MIER2: variants seen among roughly 807,000 people sequenced by gnomAD.
MIER2 encodes mesoderm induction early response protein 2.
A neutral mutation model predicts 67.6 loss-of-function variants in MIER2; 30 were observed. The ratio of observed to expected loss-of-function variants is 0.44; its 90% CI spans 0.33 to 0.60. The LOEUF (loss-of-function observed/expected upper bound fraction) is 0.60. Among genes scored for constraint, MIER2 ranks in the 20% least tolerant of loss-of-function variants. The probability of loss-of-function intolerance (pLI) is 0.02; values close to 1 mark genes in which losing one functional copy is unlikely to be tolerated. For missense variants in MIER2, 702 were observed against 745.1 expected (o/e 0.94, Z 0.67); for synonymous variants, 372 against 312.6 (o/e 1.19, Z -2.00).
At position 306,394 on chromosome 19, in the gene MIER2, G is replaced by A. The variant is rs1218934281; in HGVS notation, c.*296C>T. ...CGGCTCTGCCCTGCGTCCCAACGGCGGGGTCTCTTCTGTCCCCGGCTGCCC... is the reference window on the plus strand; with the variant it reads ...CGGCTCTGCCCTGCGTCCCAACGGCAGGGTCTCTTCTGTCCCCGGCTGCCC... On this transcript the variant is annotated 3_prime_UTR_variant, in exon 14 of 14. Transcript: ENST00000264819. 2.9e-5 allele frequency: 16 copies of A among 550,112 alleles called. No homozygotes were observed. Among genetic ancestry groups the A allele is most frequent in the East Asian group, 3.0e-5 (1 of 33,244 alleles). 34.1% of individuals were successfully genotyped at this position (550,112 alleles called of 1,614,324 possible).
At chr19:343,698 C>G (rs1230965244) in intron 1 of MIER2, 2 of 422,476 alleles carry the variant, frequency 4.7e-6, no homozygotes, top group South Asian at 2.0e-4. Flanking sequence ...GGCTCTATCC[C>G]AGAGATAGGA....
chr19:313,830 A>G (rs1230056402), intron 7 of MIER2, among the ~76,000 whole-genome samples, 187 bp from the exon 8 acceptor site: 1 of 151,862 alleles, frequency 6.6e-6, no homozygotes, highest in African/African-American at 2.4e-5. Context: ...CAATTCAACT[A>G]CCGAGTGGGT....
chr19:342,035 T>C (rs1972530099), intron 1 of MIER2, among the ~76,000 whole-genome samples: 1 of 152,134 alleles, frequency 6.6e-6, no homozygotes, highest in African/African-American at 2.4e-5. Context: ...CCAAGATGGC[T>C]GCACCTACCT....
rs773897550 is a variant in MIER2, at chr19:307,264, C to T, written c.1471G>A (p.Gly491Arg). The change falls in exon 13 of 14, where the codon GGG (glycine) becomes AGG (arginine). Residue 491 changes from glycine (G) to arginine (R), a missense_variant. Gly to Arg is a moderately radical substitution (Grantham distance 125). Transcript: ENST00000264819. ...GGGGCCACAGTCTCCTCCGGATCCCCGCTGAGGTCCACATGGCTGGAGATG... is the reference window on the plus strand; with the variant it reads ...GGGGCCACAGTCTCCTCCGGATCCCTGCTGAGGTCCACATGGCTGGAGATG... ...PLISSHVDLSGDPEETVAPAQ... is the reference protein window; with the variant it reads ...PLISSHVDLSRDPEETVAPAQ... The T allele has an allele frequency of 1.1e-5, 18 of 1,596,952 alleles. 1 individual carries two copies. In the Admixed American group the frequency reaches 1.6e-4, roughly 14 times the overall value.
chr19:343,719 A>C (rs1972607444), intron 1 of MIER2: 1 of 526,838 alleles, frequency 1.9e-6, no homozygotes, highest in East Asian at 1.5e-4. Flanking sequence ...TCAGCTCTTG[A>C]GTCTGCCCGC....
intron 1 of MIER2, among the ~76,000 whole-genome samples, chr19:340,218 T>G (rs770685175): frequency 2.4e-4 from 37 of 152,116 alleles, no homozygotes; most frequent in Non-Finnish European, 4.3e-4. Context: ...GCCAGCGGCT[T>G]GCAAACACCT....
intron 7 of MIER2, among the ~76,000 whole-genome samples, chr19:315,344 G>A (rs977474969): frequency 1.3e-5 from 2 of 152,362 alleles, no homozygotes; most frequent in South Asian, 2.1e-4. Flanking sequence ...CAGCCTGGGC[G>A]AGAAGAGCGA....
intron 10 of MIER2, among the ~76,000 whole-genome samples, chr19:310,002 ACACACG>A (rs1970876650): frequency 1.4e-5 from 2 of 147,274 alleles, no homozygotes; most frequent in Non-Finnish European, 3.0e-5. Flanking sequence ...GGACACACAC[ACACACG>A]CACACAAGGC....
intron 1 of MIER2, among the ~76,000 whole-genome samples, chr19:341,306 A>G (rs975288231): frequency 2.6e-5 from 4 of 152,174 alleles, no homozygotes; most frequent in African/African-American, 9.7e-5. Context: ...CGCAGGCTTG[A>G]GATCCACACC....
intron 7 of MIER2, among the ~76,000 whole-genome samples, chr19:325,060 C>A (rs900110488): frequency 1.5e-4 from 23 of 152,268 alleles, no homozygotes; most frequent in African/African-American, 5.3e-4. Context: ...TTGGAGAAGG[C>A]TCCTGAGCTA....
intron 3 of MIER2, among the ~76,000 whole-genome samples, chr19:331,248 C>A (rs766777042): frequency 1.4e-4 from 21 of 151,620 alleles, no homozygotes; most frequent in Non-Finnish European, 2.8e-4. Context: ...GTCCCAGCTA[C>A]TCAGGAGGCT....
At chr19:339,730 G>A (rs984578706) in intron 1 of MIER2, among the ~76,000 whole-genome samples, 13 of 150,806 alleles carry the variant, frequency 8.6e-5, no homozygotes, top group African/African-American at 2.7e-4. Flanking sequence ...GCCACGTGTC[G>A]TATGACTCAT....
intron 1 of MIER2, among the ~76,000 whole-genome samples, chr19:343,593 T>A (rs944429721): frequency 6.6e-6 from 1 of 152,150 alleles, no homozygotes; most frequent in African/African-American, 2.4e-5. Flanking sequence ...GCCCAAGACA[T>A]AAACACGCAA....
intron 2 of MIER2, 150 bp downstream of exon 2, chr19:335,933 G>C (rs544974799): frequency 9.6e-6 from 7 of 729,568 alleles, no homozygotes; most frequent in Admixed American, 8.2e-5. Flanking sequence ...CTGCCCCACA[G>C]CTCCATCTGA....
rs1486726378 is a variant in MIER2 at position 333,852 on chromosome 19, C to T, written c.243+548G>A. Among the ~76,000 whole-genome samples the T allele has an allele frequency of 2.6e-5, 4 of 151,762 alleles. No individual in the cohort carries two copies. In the East Asian group the frequency reaches 7.8e-4, roughly 30 times the overall value. On this transcript the variant is annotated intron_variant, in intron 3 of 13. Coordinates refer to ENST00000264819, the MANE Select transcript of MIER2 (RefSeq NM_017550.3). ...TACAGTCACCCGCCACTATGCCCGG[C>T]TAATTTTGTTTTTGTATTTTTAGTA... is the stretch of plus-strand genomic sequence containing the variant.
chr19:316,569 C>T (rs1423748983), intron 7 of MIER2, among the ~76,000 whole-genome samples: 1 of 152,232 alleles, frequency 6.6e-6, no homozygotes, highest in African/African-American at 2.4e-5. Context: ...GGATTATAGG[C>T]ATGAGCCACC....
rs146850522 is a variant in MIER2, at chr19:314,248, G to A, written c.656-605C>T. 9.2e-5 allele frequency among the ~76,000 whole-genome samples: 14 copies of A among 152,290 alleles called. 1 individual carries two copies. The highest frequency in any genetic ancestry group is 2.1e-4 in the South Asian group (1 of 4,826). ...ACCTCTGGGGAGACATCCTGCCCCC[G>A]GTAGCTGGTGTGGATGGCAGATGTG... On this transcript the variant is annotated intron_variant, in intron 7 of 13. Coordinates refer to ENST00000264819, the MANE Select transcript of MIER2 (RefSeq NM_017550.3).
Position 307,402 on chromosome 19 carries a change from G to A in MIER2, c.1333C>T (p.Arg445Trp), listed in dbSNP as rs770307328. Reference sequence around the variant, plus strand: ...GCTGGGTCGGCCAGGGCTGGGGGCCGATGGGACAGGGGTACAGCGGGGGAC... The same window carrying A: ...GCTGGGTCGGCCAGGGCTGGGGGCCAATGGGACAGGGGTACAGCGGGGGAC... ...DESPAVPLSHRPPALADPASY... is the reference protein window; with the variant it reads ...DESPAVPLSHWPPALADPASY... Residue 445 changes from arginine (R) to tryptophan (W), a missense_variant, in exon 13 of 14, where the codon CGG becomes TGG. Physicochemically the swap from Arg to Trp is moderately radical, Grantham distance 101. Around this residue, in one of 3 missense-constraint regions of MIER2, gnomAD observed 254 missense variants for 262.8 expected, o/e 0.97. Coordinates refer to ENST00000264819, the MANE Select transcript of MIER2 (RefSeq NM_017550.3). 23 of 1,607,010 alleles carry A rather than the reference G, an allele frequency of 1.4e-5. No homozygotes were observed. Among genetic ancestry groups the A allele is most frequent in the African/African-American group, 8.0e-5 (6 of 74,886 alleles).
At chr19:335,434 T>C (rs1310543085) in intron 2 of MIER2, among the ~76,000 whole-genome samples, 1 of 152,212 alleles carries the variant, frequency 6.6e-6, no homozygotes, top group Non-Finnish European at 1.5e-5. Flanking sequence ...GCCCGGACCC[T>C]CAGTGGCCAC....
Sources: gnomAD v4.1 joint callset for allele counts (sites outside exome capture counted in the v4.1 genomes callset) on GRCh38, gnomAD v4.1.1 for gene constraint, gnomAD v4.1.1 regional missense constraint, MANE v1.5 for transcripts, NCBI Gene and HGNC (gene_info 2026-07-23, HGNC 2026-07-21) for gene names.